PON1: variants seen among roughly 807,000 people sequenced by gnomAD.
PON1 encodes paraoxonase 1.
Under a neutral mutation model 39.2 loss-of-function variants are expected in PON1, and 37 were observed. That is an observed-to-expected ratio of 0.94 (90% CI 0.73 to 1.24). PON1 has a LOEUF of 1.24. Ranked by LOEUF, PON1 falls within the 50% of genes most tolerant of loss-of-function variation. The pLI is 0.00. For missense variants in PON1, 397 were observed against 413.5 expected (o/e 0.96, Z 0.35); for synonymous variants, 148 against 152.2 (o/e 0.97, Z 0.21).
chr7:95,303,650 A>C (rs1319089823), intron 7 of PON1, among the ~76,000 whole-genome samples: 1 of 152,296 alleles, frequency 6.6e-6, no homozygotes, highest in Admixed American at 6.5e-5. Flanking sequence ...GACACAGCTC[A>C]TGCCATGGAA....
At chr7:95,299,177 C>G (rs1337949998) in intron 8 of PON1, 75 bp from the exon 9 acceptor site, 20 of 1,409,830 alleles carry the variant, frequency 1.4e-5, no homozygotes, top group Non-Finnish European at 1.9e-5. Context: ...TAGGGTCATC[C>G]TCCATAAGAA....
At chr7:95,302,360 A>G in intron 7 of PON1, 27 bp from the exon 8 acceptor site, 1 of 1,591,056 alleles carries the variant, frequency 6.3e-7, no homozygotes, top group Non-Finnish European at 8.6e-7. Flanking sequence ...CAAGAAAAGA[A>G]CAAGACATAA....
chr7:95,308,410 G>C (rs911031870), intron 5 of PON1, among the ~76,000 whole-genome samples, 199 bp from the exon 6 acceptor site: 1 of 151,982 alleles, frequency 6.6e-6, no homozygotes, highest in African/African-American at 2.4e-5. Flanking sequence ...TAAGAAATCT[G>C]AGGAGGTGAT....
At chr7:95,321,218 C>T (rs1375984968) in intron 1 of PON1, among the ~76,000 whole-genome samples, 3 of 152,150 alleles carry the variant, frequency 2.0e-5, no homozygotes, top group Non-Finnish European at 4.4e-5. Flanking sequence ...ATGAGGGATC[C>T]ATCTTCATGA....
chr7:95,309,474 T>C (rs2299255), intron 5 of PON1, among the ~76,000 whole-genome samples: 18,821 of 152,182 alleles, frequency 0.12, 1,216 homozygotes, highest in Non-Finnish European at 0.13. Flanking sequence ...CAGAGTGGAA[T>C]GGTTTAGAGC....
chr7:95,299,144 A>G (rs761479177), intron 8 of PON1, 42 bp from the exon 9 acceptor site: 1 of 1,574,134 alleles, frequency 6.4e-7, no homozygotes, highest in Non-Finnish European at 8.7e-7. Flanking sequence ...TTGTTAAGTC[A>G]CTTAAAACAA....
rs1807322822 is a variant in PON1, at chr7:95,298,200, A to ACTT, written c.*741_*743dup. On this transcript the variant is annotated 3_prime_UTR_variant, in exon 9 of 9. Coordinates refer to ENST00000222381, the MANE Select transcript of PON1 (RefSeq NM_000446.7). ...TGTATCCAGTCATCGAAGTGAACAAACTTCCTTTAACCAAGTCAAAGACAC... is the reference window on the plus strand; with the variant it reads ...TGTATCCAGTCATCGAAGTGAACAAACTTCTTCCTTTAACCAAGTCAAAGACAC... 3 of 152,926 alleles carry ACTT rather than the reference A, an allele frequency of 2.0e-5. No homozygotes were observed. In the South Asian group the frequency reaches 6.2e-4, roughly 32 times the overall value. The allele number at this position is 152,926 out of a possible 1,614,324, so 9.5% of individuals were successfully genotyped here.
At chr7:95,315,562 C>A (rs372927711) in intron 3 of PON1, 72 bp from the exon 4 acceptor site, 6 of 1,488,620 alleles carry the variant, frequency 4.0e-6, no homozygotes, top group East Asian at 4.5e-5. Flanking sequence ...CGCTGCATGG[C>A]CCATGGGTTC....
rs1283141323 is a variant in PON1, at chr7:95,297,796, A to C, written c.*1148T>G. On this transcript the variant is annotated 3_prime_UTR_variant, in exon 9 of 9. Transcript: ENST00000222381. Reference sequence around the variant, plus strand: ...AACAGAGTGAGATTCGGTCTCAAAAACAAAACAAAAACAAGAAAAAAATTT... The same window carrying C: ...AACAGAGTGAGATTCGGTCTCAAAACCAAAACAAAAACAAGAAAAAAATTT... The C allele has an allele frequency of 5.3e-5, 8 of 152,152 alleles. No individual in the cohort carries two copies. Among genetic ancestry groups the C allele is most frequent in the Non-Finnish European group, 1.2e-4 (8 of 68,042 alleles). The allele number at this position is 152,152 out of a possible 1,614,324, so 9.4% of individuals were successfully genotyped here.
intron 1 of PON1, among the ~76,000 whole-genome samples, chr7:95,319,637 G>C (rs903597910): frequency 6.6e-6 from 1 of 152,154 alleles, no homozygotes; most frequent in African/African-American, 2.4e-5. Flanking sequence ...TAGAAAGCAG[G>C]CTTCAAAGGA....
At chr7:95,318,186 A>G (rs1230896141) in intron 2 of PON1, 137 bp downstream of exon 2, 2 of 711,028 alleles carry the variant, frequency 2.8e-6, no homozygotes, top group East Asian at 2.8e-5. Flanking sequence ...ACAACATGGT[A>G]TTTATCATTA....
chr7:95,307,361 T>C (rs1426381832), intron 6 of PON1, among the ~76,000 whole-genome samples: 1 of 152,174 alleles, frequency 6.6e-6, no homozygotes, highest in African/African-American at 2.4e-5. Flanking sequence ...CCCCTGTTGC[T>C]TTCTCTAAGC....
At chr7:95,307,308 C>T (rs966990567) in intron 6 of PON1, among the ~76,000 whole-genome samples, 6 of 152,222 alleles carry the variant, frequency 3.9e-5, no homozygotes, top group African/African-American at 7.2e-5. Context: ...CCACCTTGGC[C>T]TCCCGAAGTG....
chr7:95,312,151 G>T (rs1028836163), intron 4 of PON1, among the ~76,000 whole-genome samples: 6 of 152,152 alleles, frequency 3.9e-5, no homozygotes, highest in African/African-American at 1.4e-4. Flanking sequence ...GAAAGAGTAG[G>T]TCTTTTGAAA....
chr7:95,308,475 C>CGTGTGTGTGTGTGT (rs10548570), intron 5 of PON1, among the ~76,000 whole-genome samples: 2 of 147,078 alleles, frequency 1.4e-5, no homozygotes, highest in Non-Finnish European at 1.5e-5. Flanking sequence ...AGTGTTACGT[C>CGTGTGTGTGTGTGT]GTGTGTGTGT....
At chr7:95,318,451 G>T in intron 1 of PON1, 58 bp from the exon 2 acceptor site, 1 of 1,450,942 alleles carries the variant, frequency 6.9e-7, no homozygotes, top group Non-Finnish European at 9.6e-7. Flanking sequence ...ATAATAAGTT[G>T]CAAAGGTAGG....
At chr7:95,320,859 T>C (rs1165268196) in intron 1 of PON1, among the ~76,000 whole-genome samples, 1 of 152,268 alleles carries the variant, frequency 6.6e-6, no homozygotes, top group Non-Finnish European at 1.5e-5. Flanking sequence ...CACTAGACTC[T>C]GAACTCTGCG....
At chr7:95,323,080 C>T (rs1235162008) in intron 1 of PON1, among the ~76,000 whole-genome samples, 3 of 152,114 alleles carry the variant, frequency 2.0e-5, no homozygotes, top group Non-Finnish European at 4.4e-5. Context: ...TGTTCCATGA[C>T]GCTGGTTCTG....
At position 95,299,070 on chromosome 7, in the gene PON1, T is replaced by G. The variant is rs1359250705; in HGVS notation, c.942A>C (p.Glu314Asp). 6 of 1,614,144 alleles carry G rather than the reference T, an allele frequency of 3.7e-6. No homozygotes were observed. Among genetic ancestry groups the G allele is most frequent in the Non-Finnish European group, 5.1e-6 (6 of 1,179,990 alleles). ...VLRIQNILTE[E>D]PKVTQVYAEN... The stretch of plus-strand genomic sequence containing the variant: ...CTGCATAAACCTGTGTCACTTTAGG[T>G]TCTTCTGTTAGAATGTTCTGGATTC... Residue 314 changes from glutamate (E) to aspartate (D), a missense_variant, in exon 9 of 9, where the codon GAA (glutamate) becomes GAC (aspartate). Glu to Asp is a conservative substitution (Grantham distance 45). Coordinates refer to ENST00000222381, the MANE Select transcript of PON1 (RefSeq NM_000446.7).
Sources: gnomAD v4.1 joint callset for allele counts (sites outside exome capture counted in the v4.1 genomes callset) on GRCh38, gnomAD v4.1.1 for gene constraint, MANE v1.5 for transcripts, NCBI Gene and HGNC (gene_info 2026-07-23, HGNC 2026-07-21) for gene names.